SF3B3: variants seen among roughly 807,000 people sequenced by gnomAD.
SF3B3 encodes SAP 130.
A neutral mutation model predicts 139.2 loss-of-function variants in SF3B3; 33 were observed. The observed-to-expected ratio is 0.24, with a 90% confidence interval of 0.18 to 0.32. The LOEUF is 0.32. SF3B3 is among the 10% of genes least tolerant of loss of function. The pLI, the probability that SF3B3 is intolerant of heterozygous loss-of-function variation, is 1.00. For synonymous variants in SF3B3, 596 were observed against 563.6 expected (o/e 1.06, Z -0.81); for missense variants, 818 against 1,509.4 (o/e 0.54, Z 7.59).
Position 70,565,368 on chromosome 16 carries a change from T to C in SF3B3, c.2670T>C (p.Ser890=), listed in dbSNP as rs1432785309. The C allele has an allele frequency of 1.9e-6, 3 of 1,614,054 alleles. No homozygotes were observed. The highest frequency in any genetic ancestry group is 2.2e-5 in the East Asian group (1 of 44,902). ...CTCTTGCTTCTTATTCTGTGTGTAG[T>C]GTGGCTGTGTGCAGGTTTTCCAACA... ...VQLEQNEAAF[S]VAVCRFSNTG... is the part of the protein sequence containing the mutation. The change falls in exon 20 of 26, where the codon AGT becomes AGC. Residue 890 remains serine, a splice_region_variant and synonymous_variant. Coordinates refer to ENST00000302516, the MANE Select transcript of SF3B3 (RefSeq NM_012426.5).
rs1401700575 is a variant in SF3B3, at chr16:70,544,453, A to G, written c.1249A>G (p.Asn417Asp). The G allele has an allele frequency of 6.2e-7, 1 of 1,610,934 alleles. No individual in the cohort carries two copies. The highest frequency in any genetic ancestry group is 1.7e-5 in the Admixed American group (1 of 59,990). Residue 417 changes from asparagine to aspartate, a missense_variant, in exon 10 of 26, where the codon AAT becomes GAT. This residue lies in a region of SF3B3 where 26 missense variants were observed against 25.5 expected (regional missense o/e 1.02). Coordinates refer to ENST00000302516, the MANE Select transcript of SF3B3 (RefSeq NM_012426.5). ...CTCTGTGCAGATAGCTGATCTGGCC[A>G]ATGAAGATACTCCACAGTTGTATGT... ...ILFCQIADLA[N>D]EDTPQLYVAC...
Position 70,563,945 on chromosome 16 carries a change from G to C in SF3B3, c.2358G>C (p.Arg786Ser), listed in dbSNP as rs781426576. 1 of 1,614,114 alleles carries C rather than the reference G, an allele frequency of 6.2e-7. No individual in the cohort carries two copies. The highest frequency in any genetic ancestry group is 8.5e-7 in the Non-Finnish European group (1 of 1,179,996). Residue 786 changes from arginine (R) to serine (S), a missense_variant, in exon 18 of 26, where the codon AGG (arginine) becomes AGC (serine). Transcript: ENST00000302516. Reference protein sequence around the residue: ...QVAFPLQYTPRKFVIHPESNN... With the variant: ...QVAFPLQYTPSKFVIHPESNN... ...CCTTCCCACTGCAGTACACACCCAGGAAATTTGTCATCCACCCTGAGAGTA... is the reference window on the plus strand; with the variant it reads ...CCTTCCCACTGCAGTACACACCCAGCAAATTTGTCATCCACCCTGAGAGTA...
chr16:70,549,415 A>G (rs1001030500), intron 11 of SF3B3, among the ~76,000 whole-genome samples: 4 of 152,214 alleles, frequency 2.6e-5, no homozygotes, highest in African/African-American at 9.6e-5. Flanking sequence ...GGGTAGGCTT[A>G]TAAGCTGAAG....
At position 70,538,449 on chromosome 16, in the gene SF3B3, G is replaced by A; in HGVS notation, c.952G>A (p.Asp318Asn). ...TATCTTTAAGATCACTTTGGAGACAGATGAAGATATGGTAAGTAGACCATG... is the reference window on the plus strand; with the variant it reads ...TATCTTTAAGATCACTTTGGAGACAAATGAAGATATGGTAAGTAGACCATG... ...GDIFKITLET[D>N]EDMVTEIRLK... Residue 318 changes from aspartate (D) to asparagine (N), a missense_variant, in exon 7 of 26, where the codon GAT becomes AAT. Coordinates refer to ENST00000302516, the MANE Select transcript of SF3B3 (RefSeq NM_012426.5). 1.2e-6 allele frequency: 2 copies of A among 1,613,710 alleles called. No homozygotes were observed. Among genetic ancestry groups the A allele is most frequent in the Non-Finnish European group, 1.7e-6 (2 of 1,179,674 alleles).
At chr16:70,526,196 C>T (rs1020563619) in intron 1 of SF3B3, among the ~76,000 whole-genome samples, 3 of 151,640 alleles carry the variant, frequency 2.0e-5, no homozygotes, top group African/African-American at 2.4e-5. Context: ...CTCAAGGTCC[C>T]GTGCTTTTTA....
At chr16:70,543,804 A>G (rs1032387254) in intron 9 of SF3B3, among the ~76,000 whole-genome samples, 1 of 152,176 alleles carries the variant, frequency 6.6e-6, no homozygotes, top group Admixed American at 6.5e-5. Context: ...TTGCTAGCCA[A>G]AGCATCTGGA....
intron 8 of SF3B3, among the ~76,000 whole-genome samples, chr16:70,540,817 A>G (rs1026205382): frequency 6.6e-6 from 1 of 151,944 alleles, no homozygotes. Flanking sequence ...AACTCATTGT[A>G]TGTACATACT....
intron 5 of SF3B3, among the ~76,000 whole-genome samples, chr16:70,533,227 C>T (rs892556756): frequency 2.0e-5 from 3 of 152,030 alleles, no homozygotes; most frequent in South Asian, 2.1e-4. Context: ...TGGTGGCTCA[C>T]GCCTATAACC....
intron 5 of SF3B3, among the ~76,000 whole-genome samples, 183 bp downstream of exon 5, chr16:70,532,803 C>CG (rs2050134088): frequency 1.3e-5 from 2 of 152,266 alleles, no homozygotes; most frequent in East Asian, 3.9e-4. Flanking sequence ...GGGATAAAGA[C>CG]TGCCTAGCTC....
intron 4 of SF3B3, 109 bp downstream of exon 4, chr16:70,531,026 G>C: frequency 1.1e-6 from 1 of 935,716 alleles, no homozygotes; most frequent in African/African-American, 1.7e-5. Flanking sequence ...CCAGCACTTT[G>C]GGAGGCAAGG....
At chr16:70,563,779 A>G (rs1428727248) in intron 17 of SF3B3, 97 bp from the exon 18 acceptor site, 4 of 1,148,340 alleles carry the variant, frequency 3.5e-6, no homozygotes, top group Non-Finnish European at 3.8e-6. Flanking sequence ...TTAGAGCTCC[A>G]GGGATTGACG....
intron 16 of SF3B3, among the ~76,000 whole-genome samples, chr16:70,561,021 T>G (rs2050422879): frequency 6.6e-6 from 1 of 152,142 alleles, no homozygotes; most frequent in Non-Finnish European, 1.5e-5. Context: ...AATTCTGTTT[T>G]TTGTTGTTTT....
intron 20 of SF3B3, among the ~76,000 whole-genome samples, chr16:70,567,147 A>G (rs2050484605): frequency 6.6e-6 from 1 of 152,194 alleles, no homozygotes; most frequent in African/African-American, 2.4e-5. Flanking sequence ...TGTTGAAATA[A>G]CACCAGTTAA....
Position 70,523,895 on chromosome 16 carries a change from C to T in SF3B3, c.-104C>T. 1 of 484,504 alleles carries T rather than the reference C, an allele frequency of 2.1e-6. No homozygotes were observed. Among genetic ancestry groups the T allele is most frequent in the Non-Finnish European group, 3.6e-6 (1 of 275,948 alleles). 30.0% of individuals were successfully genotyped at this position (484,504 alleles called of 1,614,324 possible). ...TTAAGTTTTGAAGGGAGGTAGCATC[C>T]GTTGGATATCCACACCATCCTTCTC... is the stretch of plus-strand genomic sequence containing the variant. On this transcript the variant is annotated 5_prime_UTR_variant, in exon 1 of 26. Transcript: ENST00000302516.
intron 11 of SF3B3, among the ~76,000 whole-genome samples, chr16:70,549,954 T>C (rs1457854489): frequency 1.3e-5 from 2 of 152,088 alleles, no homozygotes; most frequent in Non-Finnish European, 1.5e-5. Context: ...AGATTTAGGT[T>C]TACAGAAAAG....
At chr16:70,571,524 C>T in intron 25 of SF3B3, 149 bp from the exon 26 acceptor site, 1 of 814,760 alleles carries the variant, frequency 1.2e-6, no homozygotes, top group Non-Finnish European at 1.9e-6. Flanking sequence ...AAGATTATCC[C>T]ACTGCACTGC....
intron 3 of SF3B3, among the ~76,000 whole-genome samples, chr16:70,530,252 G>C (rs1411735907): frequency 6.6e-6 from 1 of 151,402 alleles, no homozygotes; most frequent in African/African-American, 2.4e-5. Flanking sequence ...TTCTGTCTTG[G>C]CCTCCCAAAG....
At chr16:70,533,620 G>A (rs754743769) in intron 5 of SF3B3, among the ~76,000 whole-genome samples, 2 of 151,410 alleles carry the variant, frequency 1.3e-5, no homozygotes, top group Non-Finnish European at 1.5e-5. Flanking sequence ...GAAAATACAC[G>A]TTACTAATTG....
intron 21 of SF3B3, among the ~76,000 whole-genome samples, chr16:70,567,826 C>T (rs1597724495): frequency 6.6e-6 from 1 of 152,318 alleles, no homozygotes; most frequent in East Asian, 1.9e-4. Context: ...GCTGGGATTA[C>T]AGATGCGCGC....
Sources: allele counts gnomAD v4.1 joint callset (sites outside exome capture counted in the v4.1 genomes callset), GRCh38; gene constraint gnomAD v4.1.1; regional missense constraint gnomAD v4.1.1; transcripts MANE v1.5; gene names NCBI Gene and HGNC (gene_info 2026-07-23, HGNC 2026-07-21).